The following DYM variants were observed in gnomAD, a reference collection of about 807,000 sequenced individuals.
The protein encoded by DYM is dymeclin.
Under a neutral mutation model 93.1 loss-of-function variants are expected in DYM, and 78 were observed. That is an observed-to-expected ratio of 0.84 (90% CI 0.70 to 1.01). The LOEUF is 1.01. Ranked by LOEUF, DYM falls within the 50% of genes least tolerant of loss-of-function variation. DYM has a pLI of 0.00. For missense variants in DYM, 789 were observed against 845.0 expected (o/e 0.93, Z 0.82); for synonymous variants, 321 against 319.7 (o/e 1.00, Z -0.04).
At chr18:49,347,489 G>A (rs2064699910) in intron 6 of DYM, among the ~76,000 whole-genome samples, 1 of 152,156 alleles carries the variant, frequency 6.6e-6, no homozygotes, top group African/African-American at 2.4e-5. Flanking sequence ...AGTATATGCT[G>A]CAGGAGTCGC....
At chr18:49,080,011 G>C (rs1448805366) in intron 17 of DYM, among the ~76,000 whole-genome samples, 1 of 150,050 alleles carries the variant, frequency 6.7e-6, no homozygotes, top group Non-Finnish European at 1.5e-5. Context: ...CCTCCCGGAC[G>C]GGGCGGCTGG....
intron 8 of DYM, among the ~76,000 whole-genome samples, chr18:49,319,355 G>A (rs1358483658): frequency 1.3e-5 from 2 of 152,188 alleles, no homozygotes; most frequent in Non-Finnish European, 2.9e-5. Flanking sequence ...GGTGAAGGGT[G>A]CTACTGGGGT....
chr18:49,363,358 A>T, intron 5 of DYM, 125 bp from the exon 6 acceptor site: 1 of 740,500 alleles, frequency 1.4e-6, no homozygotes, highest in Non-Finnish European at 2.4e-6. Context: ...TCAGATATTA[A>T]TGTTGACCTC....
At chr18:49,349,617 T>C (rs1199180274) in intron 6 of DYM, among the ~76,000 whole-genome samples, 1 of 152,176 alleles carries the variant, frequency 6.6e-6, no homozygotes, top group Non-Finnish European at 1.5e-5. Context: ...CTTTTAAAAA[T>C]ATTAAGAGAT....
intron 17 of DYM, among the ~76,000 whole-genome samples, chr18:49,088,354 C>T (rs1256248599): frequency 1.3e-5 from 2 of 152,082 alleles, no homozygotes; most frequent in African/African-American, 2.4e-5. Context: ...TTTCCCAGCA[C>T]CATTTATTAA....
At chr18:49,122,331 C>A (rs547386144) in intron 15 of DYM, among the ~76,000 whole-genome samples, 1 of 152,318 alleles carries the variant, frequency 6.6e-6, no homozygotes, top group Admixed American at 6.5e-5. Context: ...TTCTCACCAA[C>A]AGCAGGTATA....
chr18:49,300,555 C>T (rs1397249105), intron 8 of DYM, among the ~76,000 whole-genome samples: 2 of 151,772 alleles, frequency 1.3e-5, no homozygotes, highest in Non-Finnish European at 2.9e-5. Context: ...AGTTGATGTT[C>T]GTGCCACTGC....
intron 15 of DYM, among the ~76,000 whole-genome samples, chr18:49,148,183 G>C (rs915380180): frequency 6.6e-5 from 10 of 152,046 alleles, no homozygotes; most frequent in Non-Finnish European, 1.2e-4. Context: ...TCACACACCG[G>C]GGCCTGTTGT....
chr18:49,108,505 G>A (rs1406765529), intron 16 of DYM, among the ~76,000 whole-genome samples: 1 of 152,136 alleles, frequency 6.6e-6, no homozygotes, highest in East Asian at 1.9e-4. Context: ...GCTCACACTG[G>A]GAGCTGTAGA....
At chr18:49,114,689 G>T in intron 16 of DYM, 1 of 453,276 alleles carries the variant, frequency 2.2e-6, no homozygotes, top group Non-Finnish European at 2.9e-6. Flanking sequence ...GTGTGTGTGT[G>T]TTTAAGAGAT....
In DYM at chr18:49,209,688, A is replaced by C; in HGVS notation, c.1488T>G (p.Tyr496Ter). 2.3e-6 allele frequency: 3 copies of C among 1,285,560 alleles called. No homozygotes were observed. Among genetic ancestry groups the C allele is most frequent in the Non-Finnish European group, 3.0e-6 (3 of 986,460 alleles). 79.6% of individuals were successfully genotyped at this position (1,285,560 alleles called of 1,614,324 possible). ...AATACAGTTTGTCCAACACATAAAC[A>C]TATCTCCGCAAGTGGCGGCAGGTAT... The part of the protein sequence containing the change: ...ISYTCRHLRR[Y>*]VYVLDKLYFP... Residue 496 changes from tyrosine (Y) to a stop codon, truncating the protein, a stop_gained, in exon 14 of 18, where the codon TAT (tyrosine) becomes TAG (stop). Coordinates refer to ENST00000675505, the MANE Select transcript of DYM (RefSeq NM_001353214.3). LOFTEE classifies it high-confidence loss of function.
chr18:49,341,491 CAAAAAAAAAAAAA>C (rs10578063), intron 6 of DYM, among the ~76,000 whole-genome samples: 3 of 64,920 alleles, frequency 4.6e-5, no homozygotes, highest in Admixed American at 2.1e-4. Context: ...GACTCCATCG[CAAAAAAAAAAAAA>C]AAAAAAAAAA....
intron 5 of DYM, among the ~76,000 whole-genome samples, chr18:49,373,748 A>T (rs1048900289): frequency 6.6e-6 from 1 of 152,174 alleles, no homozygotes; most frequent in Non-Finnish European, 1.5e-5. Flanking sequence ...AAATATGCAC[A>T]TTTTGTAGGA....
At chr18:49,459,364 AAGC>A (rs1237826801) in intron 1 of DYM, among the ~76,000 whole-genome samples, 1 of 152,166 alleles carries the variant, frequency 6.6e-6, no homozygotes, top group East Asian at 1.9e-4. Flanking sequence ...TAAAACTTCA[AAGC>A]AGGATAATCA....
intron 14 of DYM, among the ~76,000 whole-genome samples, chr18:49,203,577 A>C (rs1464342481): frequency 9.7e-5 from 14 of 143,660 alleles, no homozygotes; most frequent in Non-Finnish European, 1.7e-4. Flanking sequence ...TCTCTGAAAC[A>C]TGTGCTGTGT....
rs558039462 is a variant in DYM at position 49,280,086 on chromosome 18, G to C, written c.1125+1911C>G. Among the ~76,000 whole-genome samples the C allele has an allele frequency of 2.0e-5, 3 of 152,180 alleles. 1 individual carries two copies. Among genetic ancestry groups the C allele is most frequent in the Admixed American group, 6.5e-5 (1 of 15,278 alleles). On this transcript the variant is annotated intron_variant, in intron 10 of 17. Transcript: ENST00000675505. The stretch of plus-strand genomic sequence containing the variant: ...CGGGAATGTTCACATTTTTATGAAT[G>C]TATTAAGGGTCCATAGTTATCTACA...
At chr18:49,352,445 T>TA (rs1368785974) in intron 6 of DYM, among the ~76,000 whole-genome samples, 1 of 152,184 alleles carries the variant, frequency 6.6e-6, no homozygotes, top group African/African-American at 2.4e-5. Context: ...GAAATGCCAT[T>TA]AAATTCCAAG....
At chr18:49,063,855 CT>C (rs1282392946) in intron 17 of DYM, among the ~76,000 whole-genome samples, 2 of 152,108 alleles carry the variant, frequency 1.3e-5, no homozygotes, top group African/African-American at 4.8e-5. Context: ...TCTTGAACGC[CT>C]GGCCTCAAGT....
rs145467658 is a variant in DYM, at chr18:49,231,878, T to A, written c.1461-22163A>T. On this transcript the variant is annotated intron_variant, in intron 13 of 17. Transcript: ENST00000675505. The stretch of plus-strand genomic sequence containing the variant: ...AGCCTTGAAGAGGGTCACATCAACA[T>A]GACTCTTAAAACTGCAACGTCTGTA... 2.5e-3 allele frequency among the ~76,000 whole-genome samples: 388 copies of A among 152,306 alleles called. 2 individuals are homozygous for A. Among genetic ancestry groups the A allele is most frequent in the African/African-American group, 8.8e-3 (366 of 41,568 alleles).
Sources: allele counts gnomAD v4.1 joint callset (sites outside exome capture counted in the v4.1 genomes callset), GRCh38; gene constraint gnomAD v4.1.1; transcripts MANE v1.5; gene names NCBI Gene and HGNC (gene_info 2026-07-23, HGNC 2026-07-21).